Variants in XRRA1 observed in about 807,000 individuals in gnomAD.
XRRA1 encodes the protein X-ray radiation resistance-associated protein 1.
Under a neutral mutation model 80.2 loss-of-function variants are expected in XRRA1, and 69 were observed. That is an observed-to-expected ratio of 0.86 (90% confidence interval 0.71 to 1.05). The LOEUF (loss-of-function observed/expected upper bound fraction) is 1.05. XRRA1 is among the 50% of genes least tolerant of loss of function. The pLI is 0.00. For missense variants in XRRA1, 967 were observed against 976.4 expected (o/e 0.99, Z 0.13); for synonymous variants, 348 against 389.9 (o/e 0.89, Z 1.27).
chr11:74,862,738 G>A (rs1226906016), intron 11 of XRRA1, among the ~76,000 whole-genome samples: 1 of 152,150 alleles, frequency 6.6e-6, no homozygotes, highest in Non-Finnish European at 1.5e-5. Flanking sequence ...GGCAGGTAAG[G>A]TCAAGACATG....
chr11:74,943,994 G>A lies in XRRA1; in HGVS notation c.-5+1024C>T, dbSNP rs79087090. ...ATGCCACCATGTCTGGCTAATTTTCGTATTTTTTGTAGGCACAGGGTTTCG... is the reference window on the plus strand; with the variant it reads ...ATGCCACCATGTCTGGCTAATTTTCATATTTTTTGTAGGCACAGGGTTTCG... On this transcript the variant is annotated intron_variant, in intron 2 of 18. Coordinates refer to ENST00000684022, the MANE Select transcript of XRRA1 (RefSeq NM_001378157.1). Among the ~76,000 whole-genome samples the A allele has an allele frequency of 1.3e-3, 195 of 152,002 alleles. 2 individuals carry two copies. In the East Asian group the frequency reaches 0.02, roughly 16 times the overall value.
chr11:74,858,137 A>G (rs1291919502), intron 12 of XRRA1, among the ~76,000 whole-genome samples: 1 of 152,244 alleles, frequency 6.6e-6, no homozygotes, highest in Non-Finnish European at 1.5e-5. Context: ...AGAGAAATCC[A>G]GTGAAACCAG....
In XRRA1 at chr11:74,862,897, A is replaced by C. The variant is rs183415868; in HGVS notation, c.1044+84T>G. 360 of 1,241,768 alleles carry C rather than the reference A, an allele frequency of 2.9e-4. 2 individuals carry two copies. The African/African-American group carries it at 3.5e-3, about 12-fold the overall frequency. 76.9% of individuals were successfully genotyped at this position (1,241,768 alleles called of 1,614,324 possible). On this transcript the variant is annotated intron_variant, in intron 11 of 18. Coordinates refer to ENST00000684022, the MANE Select transcript of XRRA1 (RefSeq NM_001378157.1). ...AGTGTGATCTATAGAAATGACTCTC[A>C]TGGCTCCATTATTTTATTTGATTTT... is the stretch of plus-strand genomic sequence containing the variant.
rs776601021 is a variant in XRRA1, at chr11:74,848,138, T to G, written c.1705A>C (p.Thr569Pro). ...ACCTGGGTCAGGAAGATGGACTCTG[T>G]GCTCTTGGAGTCCTCATCTGATGGG... is the stretch of plus-strand genomic sequence containing the variant. ...ERPSDEDSKS[T>P]ESIFLTQVSE... Residue 569 changes from threonine (T) to proline (P), a missense_variant, in exon 15 of 19, where the codon ACA (threonine) becomes CCA (proline). Coordinates refer to ENST00000684022, the MANE Select transcript of XRRA1 (RefSeq NM_001378157.1). 13 of 1,611,446 alleles carry G rather than the reference T, an allele frequency of 8.1e-6. No homozygotes were observed. Among genetic ancestry groups the G allele is most frequent in the Admixed American group, 3.3e-5 (2 of 60,002 alleles).
At chr11:74,925,713 A>G (rs900501328) in intron 7 of XRRA1, among the ~76,000 whole-genome samples, 1 of 152,222 alleles carries the variant, frequency 6.6e-6, no homozygotes, top group Non-Finnish European at 1.5e-5. Context: ...AAAGTCACTC[A>G]TGATCAATCA....
intron 2 of XRRA1, among the ~76,000 whole-genome samples, chr11:74,944,566 CT>C (rs1457168341): frequency 1.3e-5 from 2 of 152,188 alleles, no homozygotes; most frequent in Non-Finnish European, 2.9e-5. Flanking sequence ...CTGATTTTCC[CT>C]GCAAAGGGAT....
chr11:74,864,599 G>T (rs1322808321), intron 10 of XRRA1, among the ~76,000 whole-genome samples: 1 of 152,152 alleles, frequency 6.6e-6, no homozygotes, highest in Non-Finnish European at 1.5e-5. Flanking sequence ...CAAGGTCCTG[G>T]GCTACAGCCA....
At chr11:74,865,314 C>T (rs956248218) in intron 10 of XRRA1, among the ~76,000 whole-genome samples, 3 of 152,194 alleles carry the variant, frequency 2.0e-5, no homozygotes, top group African/African-American at 7.2e-5. Flanking sequence ...TTGGCCCCGC[C>T]TGCTATAGTC....
intron 10 of XRRA1, among the ~76,000 whole-genome samples, chr11:74,904,542 G>A (rs538512430): frequency 2.0e-5 from 3 of 151,484 alleles, no homozygotes; most frequent in Non-Finnish European, 2.9e-5. Flanking sequence ...TTAGTGAAAA[G>A]ATTGGAATTG....
At chr11:74,946,987 G>A (rs1947697965) in intron 1 of XRRA1, among the ~76,000 whole-genome samples, 5 of 151,910 alleles carry the variant, frequency 3.3e-5, no homozygotes, top group South Asian at 4.1e-4. Flanking sequence ...TCCTGACCTC[G>A]TGATCCGCCC....
In XRRA1 at chr11:74,890,995, T is replaced by A. The variant is rs1161520839; in HGVS notation, c.1003+15244A>T. On this transcript the variant is annotated intron_variant, in intron 10 of 18. Transcript: ENST00000684022. ...AGGTACAAGGAGGAGCTGGTACCAT[T>A]CCTTCTGAAACTATTCCAATCAATA... Among the ~76,000 whole-genome samples, 4 of 152,174 alleles carry A rather than the reference T, an allele frequency of 2.6e-5. No homozygotes were observed. In the East Asian group the frequency reaches 5.8e-4, roughly 22 times the overall value.
At chr11:74,909,904 A>C (rs2055472466) in intron 8 of XRRA1, 1 of 152,592 alleles carries the variant, frequency 6.6e-6, no homozygotes, top group Admixed American at 6.5e-5. Context: ...TAGAAGATGC[A>C]TGGGAAGGGT....
intron 8 of XRRA1, chr11:74,919,911 T>C: frequency 5.6e-6 from 2 of 355,854 alleles, no homozygotes; most frequent in Non-Finnish European, 1.1e-5. Context: ...CGGTTACCTA[T>C]GTACCTGTTA....
At chr11:74,888,072 T>G (rs2049529208) in intron 10 of XRRA1, among the ~76,000 whole-genome samples, 1 of 151,698 alleles carries the variant, frequency 6.6e-6, no homozygotes, top group African/African-American at 2.4e-5. Flanking sequence ...TTGAAGAGAG[T>G]GGTGGTTCTC....
intron 1 of XRRA1, among the ~76,000 whole-genome samples, chr11:74,948,627 G>T (rs1948142235): frequency 6.6e-6 from 1 of 152,116 alleles, no homozygotes; most frequent in Non-Finnish European, 1.5e-5. Flanking sequence ...TCTGGCTTTG[G>T]GTAGGTTCTT....
intron 3 of XRRA1, among the ~76,000 whole-genome samples, chr11:74,938,210 CT>C (rs1945490289): frequency 6.6e-6 from 1 of 152,264 alleles, no homozygotes; most frequent in African/African-American, 2.4e-5. Flanking sequence ...TCACAGACCA[CT>C]GCTGACAATC....
chr11:74,856,164 C>G (rs563755687), intron 12 of XRRA1, among the ~76,000 whole-genome samples: 4 of 152,238 alleles, frequency 2.6e-5, no homozygotes, highest in African/African-American at 9.6e-5. Flanking sequence ...ATTCATTCAT[C>G]TAACAAACTT....
intron 12 of XRRA1, among the ~76,000 whole-genome samples, chr11:74,857,606 A>G (rs1359553326): frequency 6.6e-6 from 1 of 152,164 alleles, no homozygotes; most frequent in Admixed American, 6.5e-5. Flanking sequence ...GACACAACCA[A>G]CCACCTTAAC....
intron 10 of XRRA1, among the ~76,000 whole-genome samples, chr11:74,882,976 C>T (rs2048049513): frequency 6.6e-6 from 1 of 152,230 alleles, no homozygotes; most frequent in Non-Finnish European, 1.5e-5. Flanking sequence ...TTGTCTGTGC[C>T]CTGCCCCCAG....
Sources: allele counts gnomAD v4.1 joint callset (sites outside exome capture counted in the v4.1 genomes callset), GRCh38; gene constraint gnomAD v4.1.1; transcripts MANE v1.5; gene names NCBI Gene and HGNC (gene_info 2026-07-23, HGNC 2026-07-21).